The following KCNIP4 variants were observed in gnomAD, a reference collection of about 807,000 sequenced individuals.
The protein encoded by KCNIP4 is Kv channel-interacting protein 4.
In KCNIP4, 12 loss-of-function variants were observed where a neutral mutation model predicts 34.0. The observed-to-expected ratio is 0.35, with a 90% CI of 0.23 to 0.57. The LOEUF is 0.57. Among genes scored for constraint, KCNIP4 ranks in the 20% least tolerant of loss-of-function variants. The pLI is 0.83. For synonymous variants in KCNIP4, 124 were observed against 102.2 expected, an observed-to-expected ratio of 1.21 and a Z score of -1.29; for missense variants, 238 against 311.7, an observed-to-expected ratio of 0.76 and a Z score of 1.78.
At chr4:21,546,585 A>C (rs1738172681) in intron 1 of KCNIP4, among the ~76,000 whole-genome samples, 1 of 152,138 alleles carries the variant, frequency 6.6e-6, no homozygotes, top group Non-Finnish European at 1.5e-5. Flanking sequence ...TGTTTTTCTT[A>C]AAAGGTATTT....
At chr4:21,834,755 G>A (rs1315007523) in intron 1 of KCNIP4, among the ~76,000 whole-genome samples, 2 of 151,590 alleles carry the variant, frequency 1.3e-5, no homozygotes, top group African/African-American at 4.8e-5. Flanking sequence ...TTATTATTTT[G>A]AAATATGTCC....
intron 1 of KCNIP4, among the ~76,000 whole-genome samples, chr4:21,027,923 T>C (rs1018750003): frequency 2.0e-5 from 3 of 152,156 alleles, no homozygotes; most frequent in African/African-American, 7.2e-5. Flanking sequence ...ACCTCTAAAA[T>C]TCCAGACAAA....
chr4:21,765,544 A>T (rs920668983), intron 1 of KCNIP4, among the ~76,000 whole-genome samples: 1 of 152,032 alleles, frequency 6.6e-6, no homozygotes, highest in Non-Finnish European at 1.5e-5. Flanking sequence ...GTTCCCCTGG[A>T]GGGACATGGA....
At chr4:21,871,266 C>G (rs1206108051) in intron 1 of KCNIP4, among the ~76,000 whole-genome samples, 1 of 127,708 alleles carries the variant, frequency 7.8e-6, no homozygotes, top group African/African-American at 2.9e-5. Flanking sequence ...CGCTCCCCAC[C>G]TCCCCCCACC....
chr4:21,477,780 C>T (rs902765584), intron 1 of KCNIP4, among the ~76,000 whole-genome samples: 2 of 152,134 alleles, frequency 1.3e-5, no homozygotes, highest in Non-Finnish European at 2.9e-5. Context: ...AAAGCAAGTC[C>T]CATTGGGGAC....
At chr4:21,077,579 C>T (rs1438899830) in intron 1 of KCNIP4, among the ~76,000 whole-genome samples, 1 of 152,116 alleles carries the variant, frequency 6.6e-6, no homozygotes, top group East Asian at 1.9e-4. Context: ...TTGTTACTTA[C>T]TAGCTATGTG....
chr4:20,735,539 T>G (rs1489250952), intron 5 of KCNIP4, among the ~76,000 whole-genome samples: 9 of 146,964 alleles, frequency 6.1e-5, no homozygotes, highest in South Asian at 4.4e-4. Context: ...TGTTTTTTTT[T>G]TTTTTTTTGA....
intron 1 of KCNIP4, among the ~76,000 whole-genome samples, chr4:21,629,585 CT>C (rs1745570834): frequency 6.6e-6 from 1 of 152,090 alleles, no homozygotes; most frequent in South Asian, 2.1e-4. Flanking sequence ...TACAGTGTCC[CT>C]TTATGAGATA....
intron 1 of KCNIP4, among the ~76,000 whole-genome samples, chr4:21,029,799 G>C (rs1740850099): frequency 6.6e-6 from 1 of 152,168 alleles, no homozygotes; most frequent in African/African-American, 2.4e-5. Flanking sequence ...ACCAACTTGA[G>C]AGCCTTTAAC....
At chr4:21,590,916 A>G (rs1453251574) in intron 1 of KCNIP4, among the ~76,000 whole-genome samples, 1 of 152,046 alleles carries the variant, frequency 6.6e-6, no homozygotes. Context: ...GTATCCCATT[A>G]ATCTGCTGAA....
At chr4:21,126,112 G>T (rs1031407389) in intron 1 of KCNIP4, among the ~76,000 whole-genome samples, 1 of 152,026 alleles carries the variant, frequency 6.6e-6, no homozygotes, top group Admixed American at 6.6e-5. Context: ...TTTCCAGTCT[G>T]GGTTTAGCTT....
chr4:21,299,289 A>G (rs1181316651), intron 1 of KCNIP4, among the ~76,000 whole-genome samples: 3 of 152,068 alleles, frequency 2.0e-5, no homozygotes, highest in Admixed American at 1.3e-4. Flanking sequence ...CTAAAATCAC[A>G]TGACTAATAA....
chr4:20,956,428 C>T (rs1014659629), intron 1 of KCNIP4, among the ~76,000 whole-genome samples: 2 of 151,936 alleles, frequency 1.3e-5, no homozygotes, highest in Admixed American at 6.5e-5. Context: ...TGGCATAAAC[C>T]CGGGAGGTGG....
chr4:21,114,422 G>A (rs1749513806), intron 1 of KCNIP4, among the ~76,000 whole-genome samples: 1 of 152,042 alleles, frequency 6.6e-6, no homozygotes, highest in Non-Finnish European at 1.5e-5. Flanking sequence ...ATCTAAAAAT[G>A]CATGTGTTGC....
At chr4:21,100,536 G>A (rs1314248204) in intron 1 of KCNIP4, among the ~76,000 whole-genome samples, 1 of 152,130 alleles carries the variant, frequency 6.6e-6, no homozygotes, top group Non-Finnish European at 1.5e-5. Context: ...CTGGGTGACA[G>A]AGTGAGATGC....
At chr4:21,280,509 C>T (rs935526712) in intron 1 of KCNIP4, among the ~76,000 whole-genome samples, 4 of 152,192 alleles carry the variant, frequency 2.6e-5, no homozygotes, top group Admixed American at 6.5e-5. Flanking sequence ...GGTTTTCATA[C>T]TTCTACCTTT....
intron 1 of KCNIP4, among the ~76,000 whole-genome samples, chr4:21,883,236 C>G (rs1294815427): frequency 1.3e-5 from 2 of 149,544 alleles, no homozygotes; most frequent in Non-Finnish European, 1.5e-5. Flanking sequence ...GCCTTATACT[C>G]CTGGCCTCAA....
chr4:20,811,608 C>T (rs1159956316), intron 3 of KCNIP4, among the ~76,000 whole-genome samples: 1 of 152,108 alleles, frequency 6.6e-6, no homozygotes, highest in East Asian at 1.9e-4. Context: ...AGTTGAATGG[C>T]ATGCTAAGGA....
chr4:20,884,960 C>G (rs1019688255), intron 1 of KCNIP4, among the ~76,000 whole-genome samples: 2 of 152,096 alleles, frequency 1.3e-5, no homozygotes, highest in African/African-American at 4.8e-5. Context: ...CTTGGCCTGC[C>G]AAAGTGCCAG....
Sources: allele counts gnomAD v4.1 joint callset (sites outside exome capture counted in the v4.1 genomes callset), GRCh38; gene constraint gnomAD v4.1.1; transcripts MANE v1.5; gene names NCBI Gene and HGNC (gene_info 2026-07-23, HGNC 2026-07-21).